RBBP9: variants seen among roughly 807,000 people sequenced by gnomAD.
RBBP9 encodes serine hydrolase RBBP9.
RBBP9 carries 20 observed loss-of-function variants against 24.2 expected under a neutral mutation model. The observed-to-expected ratio is 0.83, with a 90% CI of 0.58 to 1.20. The LOEUF (loss-of-function observed/expected upper bound fraction) is 1.20. RBBP9 is among the 50% of genes most tolerant of loss of function. The pLI, the probability that RBBP9 is intolerant of heterozygous loss-of-function variation, is 0.00. For synonymous variants in RBBP9, 74 were observed against 84.6 expected (o/e 0.87, Z 0.69); for missense variants, 234 against 233.6 (o/e 1.00, Z -0.01).
chr20:18,491,407 C>T (rs2059865011), intron 3 of RBBP9, among the ~76,000 whole-genome samples: 1 of 152,146 alleles, frequency 6.6e-6, no homozygotes, highest in Non-Finnish European at 1.5e-5. Flanking sequence ...CAAGTAGACA[C>T]CCAGCTAACT....
At chr20:18,495,539 AC>A (rs2059883115) in intron 2 of RBBP9, among the ~76,000 whole-genome samples, 1 of 148,102 alleles carries the variant, frequency 6.8e-6, no homozygotes, top group African/African-American at 2.5e-5. Flanking sequence ...TTGTCCTGTG[AC>A]CCTGCCAAAT....
chr20:18,495,951 A>C, intron 1 of RBBP9, 71 bp from the exon 2 acceptor site: 1 of 1,246,650 alleles, frequency 8.0e-7, no homozygotes, highest in Non-Finnish European at 1.1e-6. Flanking sequence ...CTAATAAGAA[A>C]TGAGGCACCT....
intron 2 of RBBP9, among the ~76,000 whole-genome samples, chr20:18,495,441 C>A (rs538964284): frequency 4.2e-4 from 63 of 151,314 alleles, no homozygotes; most frequent in Non-Finnish European, 8.0e-4. Flanking sequence ...CCCAGGGACG[C>A]AAACACTGCG....
chr20:18,490,876 A>G (rs2059862668), intron 3 of RBBP9, among the ~76,000 whole-genome samples: 1 of 151,594 alleles, frequency 6.6e-6, no homozygotes, highest in Non-Finnish European at 1.5e-5. Flanking sequence ...ACGGGGTTTC[A>G]CCATGTTGGC....
intron 2 of RBBP9, among the ~76,000 whole-genome samples, chr20:18,494,447 G>A (rs1293905889): frequency 6.6e-6 from 1 of 151,940 alleles, no homozygotes; most frequent in Non-Finnish European, 1.5e-5. Context: ...GGGAGGCTGA[G>A]GTGGACAGAT....
intron 3 of RBBP9, among the ~76,000 whole-genome samples, chr20:18,492,130 C>T (rs1007683495): frequency 4.7e-5 from 7 of 149,870 alleles, no homozygotes; most frequent in Admixed American, 4.7e-4. Context: ...GAACAAGCAC[C>T]TAGATTCATT....
In RBBP9 at chr20:18,486,835, GAATC is replaced by G. The variant is rs980361956; in HGVS notation, c.*2925_*2928del. On this transcript the variant is annotated 3_prime_UTR_variant, in exon 5 of 5. Coordinates refer to ENST00000337227, the MANE Select transcript of RBBP9 (RefSeq NM_006606.3). ...CTGTATATTCAATGATGACCACAAA[GAATC>G]AAACAGAAATCAGAAATGACAGTCC... is the stretch of plus-strand genomic sequence containing the variant. The G allele has an allele frequency of 1.3e-5, 2 of 152,038 alleles. No individual in the cohort carries two copies. Among genetic ancestry groups the G allele is most frequent in the African/African-American group, 2.4e-5 (1 of 41,408 alleles). The allele number at this position is 152,038 out of a possible 1,614,324, so 9.4% of individuals were successfully genotyped here. A position where few individuals can be genotyped will look rare whatever the true frequency, so the allele number is the denominator to read the frequency against.
At position 18,495,893 on chromosome 20, in the gene RBBP9, G is replaced by C. The variant is rs1226900659; in HGVS notation, c.100-13C>G. The C allele has an allele frequency of 5.2e-6, 8 of 1,524,884 alleles. No individual in the cohort carries two copies. The highest frequency in any genetic ancestry group is 6.3e-6 in the Non-Finnish European group (7 of 1,118,136). 94.5% of individuals were successfully genotyped at this position (1,524,884 alleles called of 1,614,324 possible). ...GGAAACCAGGTATCTATGATATGAG[G>C]GGGGAGAAAAAGCTATAATAAAGAG... is the stretch of plus-strand genomic sequence containing the variant. On this transcript the variant is annotated splice_polypyrimidine_tract_variant and intron_variant, in intron 1 of 4. Coordinates refer to ENST00000337227, the MANE Select transcript of RBBP9 (RefSeq NM_006606.3).
intron 3 of RBBP9, among the ~76,000 whole-genome samples, chr20:18,491,656 A>T (rs1212191228): frequency 7.2e-5 from 11 of 152,088 alleles, no homozygotes; most frequent in Non-Finnish European, 1.0e-4. Flanking sequence ...CCCTCAGCAA[A>T]GACTGGGATA....
chr20:18,493,918 G>A, intron 3 of RBBP9, 40 bp downstream of exon 3: 7 of 1,458,628 alleles, frequency 4.8e-6, no homozygotes, highest in Non-Finnish European at 6.6e-6. Context: ...AAGCATGACT[G>A]GAGCCCACAA....
At chr20:18,496,735 G>A (rs2059888022) in intron 1 of RBBP9, among the ~76,000 whole-genome samples, 1 of 152,164 alleles carries the variant, frequency 6.6e-6, no homozygotes, top group African/African-American at 2.4e-5. Context: ...AAGCTGAAGC[G>A]GGAAGCAGTG....
intron 2 of RBBP9, among the ~76,000 whole-genome samples, chr20:18,495,581 CAATAAATAAATA>C (rs201771597): frequency 0.43 from 50,110 of 116,784 alleles, 10,892 homozygotes; most frequent in Non-Finnish European, 0.47. Flanking sequence ...CAAGAATGAT[CAATAAATAAATA>C]AATAAATAAA....
Position 18,497,115 on chromosome 20 carries a change from A to C in RBBP9, c.53T>G (p.Val18Gly), listed in dbSNP as rs1143100. 1.6e-5 allele frequency: 26 copies of C among 1,614,092 alleles called. No homozygotes were observed. Among genetic ancestry groups the C allele is most frequent in the Non-Finnish European group, 2.0e-5 (24 of 1,180,036 alleles). The change falls in exon 1 of 5, where the codon GTG becomes GGG. Residue 18 changes from valine to glycine, a missense_variant. Physicochemically the swap from Val to Gly is moderately radical, Grantham distance 109. Coordinates refer to ENST00000337227, the MANE Select transcript of RBBP9 (RefSeq NM_006606.3). ...VIVPGNGGGD[V>G]TTHGWYGWVK... is the part of the protein sequence containing the mutation. ...CCAGCCATACCAGCCGTGGGTGGTCACATCCCCGCCTCCGTTCCCGGGAAC... is the reference window on the plus strand; with the variant it reads ...CCAGCCATACCAGCCGTGGGTGGTCCCATCCCCGCCTCCGTTCCCGGGAAC...
chr20:18,494,531 A>T (rs2059877672), intron 2 of RBBP9, among the ~76,000 whole-genome samples: 1 of 152,074 alleles, frequency 6.6e-6, no homozygotes, highest in African/African-American at 2.4e-5. Flanking sequence ...TACAAAAAAA[A>T]TTAGCCAGGC....
intron 1 of RBBP9, among the ~76,000 whole-genome samples, chr20:18,496,566 C>T (rs1302106665): frequency 6.6e-6 from 1 of 152,062 alleles, no homozygotes; most frequent in Non-Finnish European, 1.5e-5. Flanking sequence ...CAGGATGGCA[C>T]GGGACTGAGA....
Position 18,487,070 on chromosome 20 carries a change from T to G in RBBP9, c.*2694A>C, listed in dbSNP as rs908855960. On this transcript the variant is annotated 3_prime_UTR_variant, in exon 5 of 5. Coordinates refer to ENST00000337227, the MANE Select transcript of RBBP9 (RefSeq NM_006606.3). ...GGGTGAGGGGAAAATACAAAATATA[T>G]GTCCTAGACCAATGTTGTCCAATAG... The G allele has an allele frequency of 1.3e-5, 2 of 152,222 alleles. No homozygotes were observed. The highest frequency in any genetic ancestry group is 2.9e-5 in the Non-Finnish European group (2 of 68,032). The allele number at this position is 152,222 out of a possible 1,614,324, so 9.4% of individuals were successfully genotyped here.
rs991665897 is a variant in RBBP9 at position 18,488,604 on chromosome 20, T to C, written c.*1160A>G. The C allele has an allele frequency of 6.6e-6, 1 of 152,088 alleles. No individual in the cohort carries two copies. The highest frequency in any genetic ancestry group is 1.5e-5 in the Non-Finnish European group (1 of 68,024). 9.4% of individuals were successfully genotyped at this position (152,088 alleles called of 1,614,324 possible). On this transcript the variant is annotated 3_prime_UTR_variant, in exon 5 of 5. Transcript: ENST00000337227. Reference sequence around the variant, plus strand: ...CTGAGGAAGTATGATCAGAAGAAAATGGAATGTGCTTGAAAGAGATCTAAA... The same window carrying C: ...CTGAGGAAGTATGATCAGAAGAAAACGGAATGTGCTTGAAAGAGATCTAAA...
rs376290491 is a variant in RBBP9, at chr20:18,497,175, G to A, written c.-8C>T. The A allele has an allele frequency of 1.2e-6, 2 of 1,610,848 alleles. No individual in the cohort carries two copies. Among genetic ancestry groups the A allele is most frequent in the Non-Finnish European group, 1.7e-6 (2 of 1,177,244 alleles). On this transcript the variant is annotated 5_prime_UTR_variant, in exon 1 of 5. Transcript: ENST00000337227. ...CTTGCTAGGAGAAGCCATGAGTGCA[G>A]CGAGGCCAGAGTTCCCCAGCGCGGG...
Position 18,489,816 on chromosome 20 carries a change from T to C in RBBP9, c.509A>G (p.Glu170Gly), listed in dbSNP as rs1195677417. The change falls in exon 5 of 5, where the codon GAG becomes GGG. Residue 170 changes from glutamate to glycine, a missense_variant. Transcript: ENST00000337227. ...FTDCGHFQNT[E>G]FHELITVVKS... ...TACAACAGTAATCAGTTCATGAAACTCTGTGTTCTGAAAGTGGCCACAGTC... is the reference window on the plus strand; with the variant it reads ...TACAACAGTAATCAGTTCATGAAACCCTGTGTTCTGAAAGTGGCCACAGTC... The C allele has an allele frequency of 5.6e-6, 9 of 1,613,814 alleles. No individual in the cohort carries two copies. The East Asian group carries it at 1.6e-4, about 28-fold the overall frequency.
Sources: gnomAD v4.1 joint callset for allele counts (sites outside exome capture counted in the v4.1 genomes callset) on GRCh38, gnomAD v4.1.1 for gene constraint, MANE v1.5 for transcripts, NCBI Gene and HGNC (gene_info 2026-07-23, HGNC 2026-07-21) for gene names.